ZMYND12: variants seen among roughly 807,000 people sequenced by gnomAD.
The protein encoded by ZMYND12 is zinc finger MYND-type containing 12.
ZMYND12 carries 32 observed loss-of-function variants against 41.7 expected under a neutral mutation model. The observed-to-expected ratio is 0.77, with a 90% confidence interval of 0.58 to 1.03. The LOEUF is 1.03. Among genes scored for constraint, ZMYND12 ranks in the 50% least tolerant of loss-of-function variants. ZMYND12 has a pLI of 0.00. For synonymous variants in ZMYND12, 148 were observed against 164.8 expected, an observed-to-expected ratio of 0.90 and a Z score of 0.78; for missense variants, 424 against 438.5, an observed-to-expected ratio of 0.97 and a Z score of 0.30.
At chr1:42,447,804 C>T (rs1255510519) in intron 3 of ZMYND12, among the ~76,000 whole-genome samples, 1 of 151,940 alleles carries the variant, frequency 6.6e-6, no homozygotes, top group African/African-American at 2.4e-5. Flanking sequence ...ATGGTGGCCA[C>T]CATGTAGGGT....
At chr1:42,455,190 C>A (rs1643143790) in intron 1 of ZMYND12, among the ~76,000 whole-genome samples, 1 of 152,230 alleles carries the variant, frequency 6.6e-6, no homozygotes. Flanking sequence ...AATGCCCTAC[C>A]CTTCTTCACT....
In ZMYND12 at chr1:42,436,417, TC is replaced by T; in HGVS notation, c.717+3del. The T allele has an allele frequency of 6.2e-7, 1 of 1,613,008 alleles. No homozygotes were observed. On this transcript the variant is annotated splice_donor_region_variant and intron_variant, in intron 5 of 7. Coordinates refer to ENST00000372565, the MANE Select transcript of ZMYND12 (RefSeq NM_032257.5). ...AGGCTCAGCTCCCACATTCCCCAGC[TC>T]ACCTTGGTGTACAATGTGTCTGCCA...
chr1:42,440,092 G>A, intron 3 of ZMYND12, 67 bp from the exon 4 acceptor site: 1 of 1,476,756 alleles, frequency 6.8e-7, no homozygotes, highest in Non-Finnish European at 9.0e-7. Flanking sequence ...GGAAATATGA[G>A]TCATTACCCA....
rs1642841092 is a variant in ZMYND12 at position 42,430,840 on chromosome 1, T to C, written c.994A>G (p.Arg332Gly). Residue 332 changes from arginine to glycine, a missense_variant, in exon 8 of 8, where the codon AGG (arginine) becomes GGG (glycine). Coordinates refer to ENST00000372565, the MANE Select transcript of ZMYND12 (RefSeq NM_032257.5). Reference protein sequence around the residue: ...NSSKAQEYGMRALSLAKEQQL... With the variant: ...NSSKAQEYGMGALSLAKEQQL... ...TGTTCTTTGGCTAGACTGAGGGCCCTCATGCCATATTCCTGTGCCTGAAAT... is the reference window on the plus strand; with the variant it reads ...TGTTCTTTGGCTAGACTGAGGGCCCCCATGCCATATTCCTGTGCCTGAAAT... The C allele has an allele frequency of 6.2e-7, 1 of 1,614,072 alleles. No individual in the cohort carries two copies. Among genetic ancestry groups the C allele is most frequent in the African/African-American group, 1.3e-5 (1 of 74,930 alleles).
In ZMYND12 at chr1:42,430,758, GTTGAAATGAGACTTAA is replaced by G; in HGVS notation, c.1060_1075del (p.Ser355LysfsTer10). ...TCACTAAGTAATGGGATGGTCTTCAGTTGAAATGAGACTTAATAACTCTTGAATGGTGCTTTGCTCA... is the reference window on the plus strand; with the variant it reads ...TCACTAAGTAATGGGATGGTCTTCAGTAACTCTTGAATGGTGCTTTGCTCA... On this transcript the variant is annotated frameshift_variant, in exon 8 of 8. Transcript: ENST00000372565. LOFTEE classifies it high-confidence loss of function. 6 of 1,614,176 alleles carry G rather than the reference GTTGAAATGAGACTTAA, an allele frequency of 3.7e-6. No individual in the cohort carries two copies. The highest frequency in any genetic ancestry group is 5.1e-6 in the Non-Finnish European group (6 of 1,180,020).
At position 42,448,470 on chromosome 1, in the gene ZMYND12, G is replaced by C; in HGVS notation, c.421C>G (p.Leu141Val). The C allele has an allele frequency of 6.3e-7, 1 of 1,592,806 alleles. No individual in the cohort carries two copies. Among genetic ancestry groups the C allele is most frequent in the Non-Finnish European group, 8.6e-7 (1 of 1,168,648 alleles). ...ATCTCAAGTCGGTTTCACTCACCAA[G>C]GCTGGCCTCGGCCAACAGCAGGTAA... is the stretch of plus-strand genomic sequence containing the variant. ...PAYLLLAEAS[L>V]GLGRIVQAEE... The change falls in exon 3 of 8, where the codon CTT (leucine) becomes GTT (valine). Residue 141 changes from leucine to valine, a missense_variant. Physicochemically the swap from Leu to Val is conservative, Grantham distance 32 (BLOSUM62 1). Transcript: ENST00000372565.
At chr1:42,453,904 TG>T (rs1263614075) in intron 1 of ZMYND12, among the ~76,000 whole-genome samples, 1 of 152,204 alleles carries the variant, frequency 6.6e-6, no homozygotes, top group East Asian at 1.9e-4. Context: ...GTGTGGCCAC[TG>T]GGTCTAGTAA....
At chr1:42,453,804 C>T (rs1643112442) in intron 1 of ZMYND12, among the ~76,000 whole-genome samples, 1 of 152,178 alleles carries the variant, frequency 6.6e-6, no homozygotes, top group South Asian at 2.1e-4. Context: ...ATCTGATGCC[C>T]GTCATCTTTT....
At chr1:42,432,065 T>TC (rs1459805995) in intron 7 of ZMYND12, among the ~76,000 whole-genome samples, 1 of 148,984 alleles carries the variant, frequency 6.7e-6, no homozygotes, top group Non-Finnish European at 1.5e-5. Flanking sequence ...TTTTTCTTTT[T>TC]TTTTTTTTTG....
In ZMYND12 at chr1:42,444,731, G is replaced by C. The variant is rs145554916; in HGVS notation, c.424+3736C>G. Among the ~76,000 whole-genome samples, 503 of 152,020 alleles carry C rather than the reference G, an allele frequency of 3.3e-3. 6 individuals carry two copies. The highest frequency in any genetic ancestry group is 0.011 in the African/African-American group (465 of 41,426). On this transcript the variant is annotated intron_variant, in intron 3 of 7. Transcript: ENST00000372565. The stretch of plus-strand genomic sequence containing the variant: ...TGAGCTTACAGTCTACTGGAGCAGG[G>C]AGACAATTAAATAATCTCATCAATG...
chr1:42,434,731 A>G (rs1176008990), intron 6 of ZMYND12, among the ~76,000 whole-genome samples: 1 of 151,848 alleles, frequency 6.6e-6, no homozygotes, highest in Non-Finnish European at 1.5e-5. Flanking sequence ...AGATGGGACC[A>G]TCTAGTTGCA....
intron 6 of ZMYND12, 103 bp downstream of exon 6, chr1:42,435,171 T>C (rs2148404644): frequency 3.6e-6 from 3 of 842,918 alleles, no homozygotes; most frequent in Non-Finnish European, 6.0e-6. Flanking sequence ...GTGGCAATGG[T>C]GTGCTTCATG....
intron 3 of ZMYND12, among the ~76,000 whole-genome samples, chr1:42,442,008 A>C (rs1642976417): frequency 6.6e-6 from 1 of 152,168 alleles, no homozygotes; most frequent in African/African-American, 2.4e-5. Context: ...CAGATGCAGA[A>C]CCTACAAATA....
chr1:42,454,356 C>A (rs547227414), intron 1 of ZMYND12, among the ~76,000 whole-genome samples: 32 of 152,216 alleles, frequency 2.1e-4, no homozygotes, highest in Non-Finnish European at 4.0e-4. Context: ...GTGGGGCATA[C>A]AGCCTAATGA....
chr1:42,453,241 A>G lies in ZMYND12; in HGVS notation c.110+2647T>C, dbSNP rs75565198. Reference sequence around the variant, plus strand: ...AAAGGAGAAGGTCTTAAAGAGAATTAAAAGCAAGTAAAAGAAAAAAAATCG... The same window carrying G: ...AAAGGAGAAGGTCTTAAAGAGAATTGAAAGCAAGTAAAAGAAAAAAAATCG... On this transcript the variant is annotated intron_variant, in intron 1 of 7. Coordinates refer to ENST00000372565, the MANE Select transcript of ZMYND12 (RefSeq NM_032257.5). 6.2e-4 allele frequency among the ~76,000 whole-genome samples: 94 copies of G among 152,354 alleles called. 2 individuals carry two copies. In the East Asian group the frequency reaches 0.013, roughly 22 times the overall value.
rs1252673993 is a variant in ZMYND12 at position 42,449,970 on chromosome 1, T to C, written c.200A>G (p.Tyr67Cys). Residue 67 changes from tyrosine (Y) to cysteine (C), a missense_variant, in exon 2 of 8, where the codon TAC becomes TGC. Transcript: ENST00000372565. ...ATGCTGCCGTTCTTCCTCTGAATTG[T>C]AGAAGGGCATGGAAGTGCGCAGTGG... ...LIPLRTSMPF[Y>C]NSEEERQHGL... is the part of the protein sequence containing the mutation. The C allele has an allele frequency of 1.1e-5, 17 of 1,613,688 alleles. No individual in the cohort carries two copies. Among genetic ancestry groups the C allele is most frequent in the African/African-American group, 6.7e-5 (5 of 74,930 alleles).
chr1:42,440,903 G>C (rs1457180638), intron 3 of ZMYND12, among the ~76,000 whole-genome samples: 1 of 152,036 alleles, frequency 6.6e-6, no homozygotes, highest in Non-Finnish European at 1.5e-5. Flanking sequence ...CCTGACATCA[G>C]GTGATCCACC....
intron 3 of ZMYND12, among the ~76,000 whole-genome samples, chr1:42,444,819 T>C (rs1643005239): frequency 6.8e-6 from 1 of 147,916 alleles, no homozygotes; most frequent in Non-Finnish European, 1.5e-5. Context: ...TTTTTTTTTT[T>C]TTTGAGACGG....
At chr1:42,455,531 C>T (rs1643153689) in intron 1 of ZMYND12, among the ~76,000 whole-genome samples, 1 of 152,236 alleles carries the variant, frequency 6.6e-6, no homozygotes, top group African/African-American at 2.4e-5. Flanking sequence ...GCCTCGGCCT[C>T]CCGAAGTGCT....
Sources: allele counts gnomAD v4.1 joint callset (sites outside exome capture counted in the v4.1 genomes callset), GRCh38; gene constraint gnomAD v4.1.1; transcripts MANE v1.5; gene names NCBI Gene and HGNC (gene_info 2026-07-23, HGNC 2026-07-21).